The following CEP63 variants were observed in gnomAD, a reference collection of about 807,000 sequenced individuals.
CEP63 encodes centrosomal protein of 63 kDa.
In CEP63, 84 loss-of-function variants were observed where a neutral mutation model predicts 89.1. That is an observed-to-expected ratio of 0.94 (90% CI 0.79 to 1.13). CEP63 has a LOEUF of 1.13. Among genes scored for constraint, CEP63 ranks in the 50% most tolerant of loss-of-function variants. The pLI is 0.00. For synonymous variants in CEP63, 267 were observed against 272.5 expected, an observed-to-expected ratio of 0.98 and a Z score of 0.20; for missense variants, 838 against 813.3, an observed-to-expected ratio of 1.03 and a Z score of -0.37.
At chr3:134,544,454 A>G (rs1297535854) in intron 6 of CEP63, among the ~76,000 whole-genome samples, 1 of 152,202 alleles carries the variant, frequency 6.6e-6, no homozygotes, top group African/African-American at 2.4e-5. Flanking sequence ...TAACTCAGGA[A>G]GTGTCCAAAA....
At chr3:134,625,850 A>C in the CEP63 span, among the ~76,000 whole-genome samples, 1 of 152,256 alleles carries the variant, frequency 6.6e-6, no homozygotes, top group African/African-American at 2.4e-5. Context: ...ACCAGAGACC[A>C]AACCACGAGT....
At chr3:134,566,763 A>T (rs1259576410), downstream of CEP63, among the ~76,000 whole-genome samples, 4 of 152,228 alleles carry the variant, frequency 2.6e-5, no homozygotes, top group African/African-American at 9.6e-5. Context: ...TAATAAAAAA[A>T]AAATGGACAA....
the CEP63 span, chr3:134,651,353 C>T: frequency 1.9e-5 from 22 of 1,148,610 alleles, no homozygotes; most frequent in South Asian, 3.5e-4. Flanking sequence ...TGCCTCATCC[C>T]CACGGTCTCC....
At chr3:134,750,213 G>A in the CEP63 span, among the ~76,000 whole-genome samples, 1 of 152,220 alleles carries the variant, frequency 6.6e-6, no homozygotes, top group Admixed American at 6.5e-5. Flanking sequence ...AATCAGGCCA[G>A]GTGTTGAGCA....
At chr3:134,578,036 G>T (rs1330870561), downstream of CEP63, among the ~76,000 whole-genome samples, 1 of 152,100 alleles carries the variant, frequency 6.6e-6, no homozygotes, top group African/African-American at 2.4e-5. Flanking sequence ...TGGGCATTTG[G>T]GTTGGTTCCA....
At chr3:134,626,971 C>T in the CEP63 span, among the ~76,000 whole-genome samples, 1 of 152,210 alleles carries the variant, frequency 6.6e-6, no homozygotes, top group Non-Finnish European at 1.5e-5. Flanking sequence ...AGTGGACTCA[C>T]ACATCGAACA....
the CEP63 span, among the ~76,000 whole-genome samples, chr3:134,624,041 G>A: frequency 1.1e-4 from 16 of 152,196 alleles, no homozygotes; most frequent in Non-Finnish European, 7.3e-5. Context: ...TCCCCTGGAT[G>A]TGCCACAGAC....
intron 3 of CEP63, among the ~76,000 whole-genome samples, chr3:134,518,325 A>G (rs1346430634): frequency 6.6e-6 from 1 of 152,184 alleles, no homozygotes; most frequent in Non-Finnish European, 1.5e-5. Flanking sequence ...TAATTAATCT[A>G]AATAGAACAT....
At chr3:134,722,878 A>C in the CEP63 span, among the ~76,000 whole-genome samples, 1 of 152,192 alleles carries the variant, frequency 6.6e-6, no homozygotes, top group Non-Finnish European at 1.5e-5. Flanking sequence ...AGATGATTCC[A>C]ATGCCTACAT....
At chr3:134,652,897 G>A in the CEP63 span, among the ~76,000 whole-genome samples, 1 of 152,122 alleles carries the variant, frequency 6.6e-6, no homozygotes, top group Non-Finnish European at 1.5e-5. Context: ...TTGCCGGATG[G>A]GTCTGAGTGT....
the CEP63 span, among the ~76,000 whole-genome samples, chr3:134,645,968 T>C: frequency 1.3e-5 from 2 of 152,186 alleles, no homozygotes; most frequent in African/African-American, 4.8e-5. Context: ...ATAACATGCC[T>C]GAGAAGCCCT....
At chr3:134,510,663 T>G (rs1944636316) in intron 3 of CEP63, 1 of 635,024 alleles carries the variant, frequency 1.6e-6, no homozygotes, top group African/African-American at 1.8e-5. Flanking sequence ...CTTCTTGCAT[T>G]TCTGGAGCCC....
Position 134,561,541 on chromosome 3 carries a change from T to TA in CEP63, c.*13dup, listed in dbSNP as rs368088012. 60 of 1,611,136 alleles carry TA rather than the reference T, an allele frequency of 3.7e-5. No homozygotes were observed. In the African/African-American group the frequency reaches 3.7e-4, roughly 10 times the overall value. On this transcript the variant is annotated 3_prime_UTR_variant, in exon 15 of 15. Coordinates refer to ENST00000675561, the MANE Select transcript of CEP63 (RefSeq NM_001353108.3). Reference sequence around the variant, plus strand: ...AATTCACAGCCTTAAAGTAGCCTCTTAAAAAAATCACTATCTTGGAAATAA... The same window carrying TA: ...AATTCACAGCCTTAAAGTAGCCTCTTAAAAAAAATCACTATCTTGGAAATAA...
downstream of CEP63, among the ~76,000 whole-genome samples, chr3:134,591,825 G>A (rs1958601955): frequency 6.6e-6 from 1 of 152,130 alleles, no homozygotes; most frequent in Non-Finnish European, 1.5e-5. Context: ...AGGTTGCAGT[G>A]AGCTGAGATC....
At chr3:134,708,806 C>T in the CEP63 span, among the ~76,000 whole-genome samples, 5 of 151,990 alleles carry the variant, frequency 3.3e-5, no homozygotes, top group Non-Finnish European at 5.9e-5. Context: ...ATTCAGGATG[C>T]GGTGGCGACC....
chr3:134,699,768 T>G, the CEP63 span, among the ~76,000 whole-genome samples: 1 of 152,238 alleles, frequency 6.6e-6, no homozygotes, highest in East Asian at 1.9e-4. Flanking sequence ...TTGACTGTCA[T>G]CCTGGGCTGC....
the CEP63 span, among the ~76,000 whole-genome samples, chr3:134,742,192 A>C: frequency 2.0e-5 from 3 of 152,078 alleles, no homozygotes; most frequent in South Asian, 6.2e-4. Flanking sequence ...CTGATCAGCT[A>C]CTACTCCTCT....
At chr3:134,753,699 T>G in the CEP63 span, among the ~76,000 whole-genome samples, 1 of 152,234 alleles carries the variant, frequency 6.6e-6, no homozygotes, top group Non-Finnish European at 1.5e-5. Context: ...TTCCAGCCCA[T>G]CCTCATAATG....
At chr3:134,740,153 A>G in the CEP63 span, among the ~76,000 whole-genome samples, 1 of 152,150 alleles carries the variant, frequency 6.6e-6, no homozygotes, top group Non-Finnish European at 1.5e-5. Flanking sequence ...CCAGGTGCTC[A>G]GGGTACACAG....
Sources: allele counts gnomAD v4.1 joint callset (sites outside exome capture counted in the v4.1 genomes callset), GRCh38; gene constraint gnomAD v4.1.1; transcripts MANE v1.5; gene names NCBI Gene and HGNC (gene_info 2026-07-23, HGNC 2026-07-21).